Variants in BIK observed in about 807,000 individuals in gnomAD.
The protein encoded by BIK is BCL2 interacting killer.
In BIK, 14 loss-of-function variants were observed where a neutral mutation model predicts 12.1. The ratio of observed to expected loss-of-function variants is 1.16; its 90% confidence interval spans 0.77 to 1.81. The LOEUF (loss-of-function observed/expected upper bound fraction) is 1.81, where lower values mean the gene tolerates loss of function less well. BIK is among the 40% of genes most tolerant of loss of function. The pLI, the probability that BIK is intolerant of heterozygous loss-of-function variation, is 0.00. For synonymous variants in BIK, 86 were observed against 92.3 expected (o/e 0.93, Z 0.39); for missense variants, 215 against 207.9 (o/e 1.03, Z -0.21).
chr22:43,128,944 A>G (rs1930379217), intron 4 of BIK, among the ~76,000 whole-genome samples: 1 of 152,158 alleles, frequency 6.6e-6, no homozygotes, highest in Non-Finnish European at 1.5e-5. Flanking sequence ...GGCACCGCCC[A>G]CCACAAGGGC....
intron 4 of BIK, 24 bp downstream of exon 4, chr22:43,128,649 C>A: frequency 6.3e-7 from 1 of 1,590,826 alleles, no homozygotes. Flanking sequence ...GATCCCTGAC[C>A]CTGACTTGCG....
At chr22:43,125,782 A>G (rs2147025068) in intron 2 of BIK, among the ~76,000 whole-genome samples, 1 of 152,316 alleles carries the variant, frequency 6.6e-6, no homozygotes, top group Middle Eastern at 3.4e-3. Context: ...AACCTATGGA[A>G]GAGCCTGAGG....
intron 1 of BIK, among the ~76,000 whole-genome samples, chr22:43,115,798 C>T (rs932352138): frequency 3.3e-5 from 5 of 150,818 alleles, no homozygotes; most frequent in Non-Finnish European, 7.4e-5. Context: ...GCTCTGTTGC[C>T]CAGGTTAGAG....
At chr22:43,125,905 G>T (rs1028617345) in intron 2 of BIK, among the ~76,000 whole-genome samples, 3 of 152,136 alleles carry the variant, frequency 2.0e-5, no homozygotes, top group Non-Finnish European at 4.4e-5. Flanking sequence ...GGGTTTCAGG[G>T]GCCAAGGTCC....
In BIK at chr22:43,124,393, G is replaced by A. The variant is rs4988418; in HGVS notation, c.161+210G>A. ...CACCCTCCCCTGATACCAGCTCACA[G>A]ACCCCTGGACAGCCAGCATGTTCAC... On this transcript the variant is annotated intron_variant, in intron 2 of 4. Coordinates refer to ENST00000216115, the MANE Select transcript of BIK (RefSeq NM_001197.5). Among the ~76,000 whole-genome samples the A allele has an allele frequency of 7.1e-4, 108 of 152,238 alleles. 4 individuals are homozygous for A. In the South Asian group the frequency reaches 0.022, roughly 32 times the overall value.
intron 2 of BIK, 102 bp downstream of exon 2, chr22:43,124,285 C>T: frequency 5.9e-6 from 8 of 1,366,656 alleles, no homozygotes; most frequent in South Asian, 1.3e-5. Context: ...GCAGATGCCT[C>T]CCAGGCAGGG....
chr22:43,127,940 C>T, intron 3 of BIK, 145 bp downstream of exon 3: 1 of 808,892 alleles, frequency 1.2e-6, no homozygotes, highest in Admixed American at 2.9e-5. Context: ...AAACCCTTGG[C>T]TGCTTCCCGC....
chr22:43,114,306 G>A (rs1047125762), intron 1 of BIK, among the ~76,000 whole-genome samples: 1 of 151,986 alleles, frequency 6.6e-6, no homozygotes, highest in East Asian at 1.9e-4. Context: ...AAGTATTCTT[G>A]ACCGCCCCCT....
chr22:43,117,028 TGA>T (rs1456428712), intron 1 of BIK, among the ~76,000 whole-genome samples: 3 of 152,224 alleles, frequency 2.0e-5, no homozygotes, highest in Non-Finnish European at 4.4e-5. Context: ...ACTAGCCAGG[TGA>T]CCCCTTCATT....
At chr22:43,124,270 C>T (rs983589360) in intron 2 of BIK, 87 bp downstream of exon 2, 27 of 1,480,740 alleles carry the variant, frequency 1.8e-5, no homozygotes, top group South Asian at 3.7e-5. Flanking sequence ...AGCGGGGGAG[C>T]GCCTGCAGAT....
intron 1 of BIK, among the ~76,000 whole-genome samples, chr22:43,116,379 G>A (rs923811246): frequency 6.6e-6 from 1 of 152,110 alleles, no homozygotes; most frequent in Non-Finnish European, 1.5e-5. Context: ...GGGCTCAAGT[G>A]ATCCTTTCGC....
chr22:43,123,799 T>G (rs1930261230), intron 1 of BIK, among the ~76,000 whole-genome samples: 2 of 152,034 alleles, frequency 1.3e-5, no homozygotes, highest in Non-Finnish European at 2.9e-5. Context: ...GTTCCTCCCT[T>G]CCAAGAACAG....
chr22:43,116,707 T>C (rs920715208), intron 1 of BIK, among the ~76,000 whole-genome samples: 2 of 152,166 alleles, frequency 1.3e-5, no homozygotes, highest in Non-Finnish European at 2.9e-5. Context: ...TCCGCCCGCC[T>C]CGGCCTCCCA....
chr22:43,127,140 G>A (rs373926083), intron 2 of BIK, among the ~76,000 whole-genome samples: 1 of 152,134 alleles, frequency 6.6e-6, no homozygotes, highest in East Asian at 1.9e-4. Flanking sequence ...CAAGGATGTG[G>A]TTTAGTGGGG....
chr22:43,128,496 C>A lies in BIK; in HGVS notation c.261C>A (p.Ser87Arg). 1.9e-6 allele frequency: 3 copies of A among 1,613,554 alleles called. No individual in the cohort carries two copies. The highest frequency in any genetic ancestry group is 2.5e-6 in the Non-Finnish European group (3 of 1,179,506). Reference protein sequence around the residue: ...LAQLSEVAMHSLGLAFIYDQT... With the variant: ...LAQLSEVAMHRLGLAFIYDQT... ...GTCCCCCCATCCTCTTTGTCTATAG[C>A]CTGGGTCTGGCTTTCATCTACGACC... Residue 87 changes from serine (S) to arginine (R), a missense_variant and splice_region_variant, in exon 4 of 5, where the codon AGC becomes AGA. Ser to Arg is a moderately radical substitution (Grantham distance 110). Transcript: ENST00000216115.
Position 43,127,894 on chromosome 22 carries a change from CTG to C in BIK, c.260+102_260+103del, listed in dbSNP as rs1930351251. The C allele has an allele frequency of 2.6e-6, 3 of 1,168,066 alleles. No individual in the cohort carries two copies. The African/African-American group carries it at 5.4e-5, about 21-fold the overall frequency. 72.4% of individuals were successfully genotyped at this position (1,168,066 alleles called of 1,614,324 possible). ...CACAGGGCTGGGCCCTGAGGAAGCT[CTG>C]TGGGGGATGTGCCTTGACACTGGGG... On this transcript the variant is annotated intron_variant, in intron 3 of 4. Transcript: ENST00000216115.
intron 1 of BIK, among the ~76,000 whole-genome samples, chr22:43,116,929 C>A (rs1200388020): frequency 2.6e-5 from 4 of 152,096 alleles, no homozygotes; most frequent in African/African-American, 4.8e-5. Context: ...GACAGAGAGA[C>A]CCTGTCTCAA....
chr22:43,119,076 A>C lies in BIK; in HGVS notation c.-7-4940A>C, dbSNP rs1275106850. Among the ~76,000 whole-genome samples, 3 of 151,746 alleles carry C rather than the reference A, an allele frequency of 2.0e-5. No homozygotes were observed. The East Asian group carries it at 5.8e-4, about 29-fold the overall frequency. On this transcript the variant is annotated intron_variant, in intron 1 of 4. Coordinates refer to ENST00000216115, the MANE Select transcript of BIK (RefSeq NM_001197.5). The stretch of plus-strand genomic sequence containing the variant: ...CCCTCCCTCCCACTCGGAGCCCTGC[A>C]GGTGCCCTCAAGGCCGTGGGTGTGG...
chr22:43,112,563 G>T (rs891928724), intron 1 of BIK, among the ~76,000 whole-genome samples: 1 of 150,574 alleles, frequency 6.6e-6, no homozygotes, highest in Non-Finnish European at 1.5e-5. Flanking sequence ...GAGCCCCTAT[G>T]CCTGGCCCTT....
Sources: gnomAD v4.1 joint callset for allele counts (sites outside exome capture counted in the v4.1 genomes callset) on GRCh38, gnomAD v4.1.1 for gene constraint, MANE v1.5 for transcripts, NCBI Gene and HGNC (gene_info 2026-07-23, HGNC 2026-07-21) for gene names.